Variants in CSMD3 observed in about 807,000 individuals in gnomAD.
CSMD3 encodes the protein CUB and Sushi multiple domains 3.
In CSMD3, 177 loss-of-function variants were observed where a neutral mutation model predicts 435.2. That is an observed-to-expected ratio of 0.41 (90% confidence interval 0.36 to 0.46). CSMD3 has a LOEUF of 0.46. CSMD3 is among the 20% of genes least tolerant of loss of function. The pLI is 0.34. For missense variants in CSMD3, 4,265 were observed against 4,504.6 expected (o/e 0.95, Z 1.52); for synonymous variants, 1,656 against 1,520.5 (o/e 1.09, Z -2.07).
chr8:112,330,512 C>A (rs1298734405), intron 45 of CSMD3, among the ~76,000 whole-genome samples: 1 of 151,974 alleles, frequency 6.6e-6, no homozygotes, highest in Non-Finnish European at 1.5e-5. Flanking sequence ...ACTCTAGTCG[C>A]CTGGTTATTT....
chr8:112,640,731 T>G (rs953720858), intron 20 of CSMD3, among the ~76,000 whole-genome samples: 1 of 151,940 alleles, frequency 6.6e-6, no homozygotes, highest in South Asian at 2.1e-4. Flanking sequence ...GAAAATGGGA[T>G]TTTGACATAG....
intron 11 of CSMD3, among the ~76,000 whole-genome samples, chr8:112,853,295 G>A (rs965035968): frequency 2.0e-5 from 3 of 151,792 alleles, no homozygotes; most frequent in African/African-American, 4.8e-5. Context: ...GCATGATCTC[G>A]GCTCACTGTA....
chr8:112,362,630 T>C (rs1018035881), intron 38 of CSMD3, among the ~76,000 whole-genome samples: 10 of 152,004 alleles, frequency 6.6e-5, no homozygotes, highest in African/African-American at 2.2e-4. Flanking sequence ...ATCAGCAACA[T>C]AAGCAACCAT....
intron 1 of CSMD3, among the ~76,000 whole-genome samples, chr8:113,432,111 A>G (rs1478675): frequency 0.018 from 2,807 of 151,912 alleles, 97 homozygotes; most frequent in African/African-American, 0.062. Context: ...CTGCTCACAT[A>G]CTCTTCCAAT....
At chr8:112,761,933 T>G (rs1422497794) in intron 13 of CSMD3, among the ~76,000 whole-genome samples, 2 of 152,062 alleles carry the variant, frequency 1.3e-5, no homozygotes, top group East Asian at 1.9e-4. Context: ...AATGTTTTAG[T>G]TCACAAAGAC....
intron 1 of CSMD3, among the ~76,000 whole-genome samples, chr8:113,375,277 G>A (rs760651402): frequency 6.6e-6 from 1 of 152,126 alleles, no homozygotes; most frequent in African/African-American, 2.4e-5. Context: ...CCAGAAAAGA[G>A]ACTTAATAAC....
At chr8:113,203,263 A>T (rs536426336) in intron 3 of CSMD3, among the ~76,000 whole-genome samples, 7 of 152,188 alleles carry the variant, frequency 4.6e-5, no homozygotes, top group Admixed American at 1.3e-4. Flanking sequence ...TCAATTTTTT[A>T]AATTTTTAAA....
chr8:112,366,887 G>A (rs1827834037), intron 38 of CSMD3, among the ~76,000 whole-genome samples: 1 of 152,152 alleles, frequency 6.6e-6, no homozygotes, highest in African/African-American at 2.4e-5. Context: ...TTACAAAAGT[G>A]TCTTGAACTT....
At chr8:112,468,751 T>C (rs1302780768) in intron 32 of CSMD3, among the ~76,000 whole-genome samples, 2 of 152,060 alleles carry the variant, frequency 1.3e-5, no homozygotes, top group Non-Finnish European at 2.9e-5. Context: ...ATTTTATTGA[T>C]AGATAAGTAG....
intron 32 of CSMD3, among the ~76,000 whole-genome samples, chr8:112,428,251 T>C (rs1003505803): frequency 6.6e-6 from 1 of 152,168 alleles, no homozygotes; most frequent in Non-Finnish European, 1.5e-5. Context: ...ATTTAGTTTC[T>C]GGAAAAGGGA....
At chr8:113,331,094 A>G (rs939385688) in intron 1 of CSMD3, among the ~76,000 whole-genome samples, 3 of 151,826 alleles carry the variant, frequency 2.0e-5, no homozygotes, top group Non-Finnish European at 3.0e-5. Flanking sequence ...AAAAGAGAGA[A>G]GACAGGTTAC....
At chr8:113,353,736 C>G (rs1189561188) in intron 1 of CSMD3, among the ~76,000 whole-genome samples, 1 of 152,236 alleles carries the variant, frequency 6.6e-6, no homozygotes, top group South Asian at 2.1e-4. Flanking sequence ...GTTTTTCACA[C>G]TTACTGAAGA....
intron 22 of CSMD3, among the ~76,000 whole-genome samples, chr8:112,629,870 T>C (rs556694549): frequency 6.6e-6 from 1 of 152,308 alleles, no homozygotes; most frequent in South Asian, 2.1e-4. Flanking sequence ...CATCACTCCC[T>C]GTATTATGTT....
intron 17 of CSMD3, among the ~76,000 whole-genome samples, chr8:112,661,649 TC>T (rs2131683444): frequency 6.6e-6 from 1 of 152,290 alleles, no homozygotes; most frequent in East Asian, 1.9e-4. Flanking sequence ...CACTTTGTGT[TC>T]ATAAAGCTTA....
rs1472774519 is a variant in CSMD3 at position 112,254,278 on chromosome 8, G to C, written c.10085C>G (p.Ser3362Cys). ...TTGAAATCCGAATGTATTGTTCTGA[G>C]ATCCATGCCGAGGCACACCTGGGTT... The part of the protein sequence containing the change: ...CENPGVPRHG[S>C]QNNTFGFQVG... The change falls in exon 63 of 71, where the codon TCT (serine) becomes TGT (cysteine). Residue 3362 changes from serine to cysteine, a missense_variant. Coordinates refer to ENST00000297405, the MANE Select transcript of CSMD3 (RefSeq NM_198123.2). 2 of 1,612,548 alleles carry C rather than the reference G, an allele frequency of 1.2e-6. No homozygotes were observed. Among genetic ancestry groups the C allele is most frequent in the Non-Finnish European group, 1.7e-6 (2 of 1,178,818 alleles).
At chr8:112,522,014 A>C (rs964812959) in intron 27 of CSMD3, among the ~76,000 whole-genome samples, 6 of 151,742 alleles carry the variant, frequency 4.0e-5, no homozygotes, top group Admixed American at 3.9e-4. Flanking sequence ...AAAATCTTCT[A>C]ATTTTTACAC....
chr8:112,256,982 T>C (rs1815868927), intron 61 of CSMD3, among the ~76,000 whole-genome samples: 1 of 152,166 alleles, frequency 6.6e-6, no homozygotes, highest in African/African-American at 2.4e-5. Context: ...AATTATAGAC[T>C]ACCATAATCT....
chr8:112,550,187 C>G (rs1398268825), intron 27 of CSMD3, among the ~76,000 whole-genome samples: 2 of 151,866 alleles, frequency 1.3e-5, no homozygotes, highest in East Asian at 3.9e-4. Context: ...TATAGAAAAT[C>G]TTTAATTTAA....
At chr8:112,980,952 G>A (rs1472089678) in intron 6 of CSMD3, among the ~76,000 whole-genome samples, 1 of 151,128 alleles carries the variant, frequency 6.6e-6, no homozygotes, top group East Asian at 1.9e-4. Context: ...AAACTGTAGG[G>A]GAAATAGAAA....
Sources: gnomAD v4.1 joint callset for allele counts (sites outside exome capture counted in the v4.1 genomes callset) on GRCh38, gnomAD v4.1.1 for gene constraint, MANE v1.5 for transcripts, NCBI Gene and HGNC (gene_info 2026-07-23, HGNC 2026-07-21) for gene names.